Variants in MAD1L1 observed in about 807,000 individuals in gnomAD.
MAD1L1 encodes mitotic arrest deficient 1 like 1.
In MAD1L1, 95 loss-of-function variants were observed where a neutral mutation model predicts 96.9. The observed-to-expected ratio is 0.98, with a 90% confidence interval of 0.83 to 1.16. The LOEUF is 1.16. Ranked by LOEUF, MAD1L1 falls within the 50% of genes most tolerant of loss-of-function variation. The probability of loss-of-function intolerance (pLI) is 0.00; values close to 1 mark genes in which losing one functional copy is unlikely to be tolerated. For synonymous variants in MAD1L1, 473 were observed against 396.6 expected (o/e 1.19, Z -2.29); for missense variants, 1,007 against 954.4 (o/e 1.06, Z -0.73).
chr7:1,832,630 T>TTTGGGGGGGG (rs56664541), intron 18 of MAD1L1, among the ~76,000 whole-genome samples: 2 of 2,350 alleles, frequency 8.5e-4, no homozygotes, highest in Non-Finnish European at 8.3e-4. Flanking sequence ...TTTTTTTTTT[T>TTTGGGGGGGG]GGCGGGGGGG....
At chr7:2,124,426 A>C (rs1224480204) in intron 11 of MAD1L1, among the ~76,000 whole-genome samples, 2 of 152,228 alleles carry the variant, frequency 1.3e-5, no homozygotes, top group Non-Finnish European at 2.9e-5. Flanking sequence ...GAGAGTAAGA[A>C]GACCTGGGAG....
At chr7:2,174,963 A>T (rs1790876933) in intron 10 of MAD1L1, among the ~76,000 whole-genome samples, 1 of 152,160 alleles carries the variant, frequency 6.6e-6, no homozygotes, top group African/African-American at 2.4e-5. Context: ...CAGAGTTGTG[A>T]GGTGGCGACT....
chr7:2,043,553 C>A (rs779561527), intron 12 of MAD1L1, among the ~76,000 whole-genome samples: 1 of 152,214 alleles, frequency 6.6e-6, no homozygotes, highest in Non-Finnish European at 1.5e-5. Context: ...GAACGTGATG[C>A]CCGGGTACCG....
At chr7:2,077,138 C>T (rs1321692470) in intron 11 of MAD1L1, among the ~76,000 whole-genome samples, 1 of 151,912 alleles carries the variant, frequency 6.6e-6, no homozygotes, top group Admixed American at 6.6e-5. Context: ...ATGGTGAGCT[C>T]GCAGCACGGT....
At chr7:1,972,362 A>AT in intron 15 of MAD1L1, among the ~76,000 whole-genome samples, 1 of 152,172 alleles carries the variant, frequency 6.6e-6, no homozygotes, top group East Asian at 1.9e-4. Context: ...TATGACTTCA[A>AT]TTTTTTTTAA....
chr7:2,191,505 C>T (rs1791715160), intron 10 of MAD1L1, among the ~76,000 whole-genome samples: 1 of 152,168 alleles, frequency 6.6e-6, no homozygotes, highest in East Asian at 1.9e-4. Context: ...CTGAGGCAGG[C>T]GGATCACTTG....
intron 10 of MAD1L1, among the ~76,000 whole-genome samples, chr7:2,205,414 T>C (rs1792548559): frequency 1.3e-5 from 2 of 152,178 alleles, no homozygotes; most frequent in African/African-American, 2.4e-5. Flanking sequence ...TGGGATATTT[T>C]TCAGATTTAG....
chr7:1,979,700 G>A (rs1344850489), intron 15 of MAD1L1, among the ~76,000 whole-genome samples: 1 of 152,222 alleles, frequency 6.6e-6, no homozygotes, highest in Non-Finnish European at 1.5e-5. Flanking sequence ...GGACAGTGCA[G>A]TGGCAGAGAG....
intron 18 of MAD1L1, among the ~76,000 whole-genome samples, chr7:1,859,140 G>A (rs1401073194): frequency 1.3e-5 from 2 of 151,200 alleles, no homozygotes; most frequent in African/African-American, 2.4e-5. Context: ...ACGCAGGAGG[G>A]CCAGATGCCT....
intron 16 of MAD1L1, among the ~76,000 whole-genome samples, chr7:1,956,243 A>T (rs1462102120): frequency 6.6e-6 from 1 of 151,960 alleles, no homozygotes; most frequent in Non-Finnish European, 1.5e-5. Flanking sequence ...ACGTCCCCCC[A>T]CTAAGGGTGT....
Position 1,856,028 on chromosome 7 carries a change from G to T in MAD1L1, c.1999-39800C>A, listed in dbSNP as rs536692084. ...CTCGCGGTGCGCTCACGTGGGGTGC[G>T]GTGAGGGAGCTCTCGGCTTCTTCAT... On this transcript the variant is annotated intron_variant, in intron 18 of 18. Transcript: ENST00000265854. 3.3e-5 allele frequency among the ~76,000 whole-genome samples: 5 copies of T among 152,306 alleles called. No homozygotes were observed. The South Asian group carries it at 8.3e-4, about 25-fold the overall frequency.
intron 16 of MAD1L1, among the ~76,000 whole-genome samples, chr7:1,945,533 C>A (rs1339300991): frequency 4.6e-5 from 7 of 152,198 alleles, no homozygotes; most frequent in Non-Finnish European, 1.0e-4. Context: ...AGCCGCAACC[C>A]AGGAGAAGCA....
chr7:1,985,278 C>A (rs1781087571), intron 14 of MAD1L1, among the ~76,000 whole-genome samples: 1 of 152,264 alleles, frequency 6.6e-6, no homozygotes, highest in African/African-American at 2.4e-5. Context: ...CCCTTGCCTG[C>A]CTGGTGGCCT....
chr7:1,977,431 G>A lies in MAD1L1; in HGVS notation c.1505+3022C>T, dbSNP rs544242899. Among the ~76,000 whole-genome samples, 638 of 152,286 alleles carry A rather than the reference G, an allele frequency of 4.2e-3. 2 individuals carry two copies. The highest frequency in any genetic ancestry group is 4.9e-3 in the Non-Finnish European group (332 of 68,008). On this transcript the variant is annotated intron_variant, in intron 15 of 18. Coordinates refer to ENST00000265854, the MANE Select transcript of MAD1L1 (RefSeq NM_001013836.2). ...GGAGTGTGGGGCCCGCCAAGCCCAC[G>A]CCCACCCAGAACTCGCACTGGCCTG...
intron 11 of MAD1L1, among the ~76,000 whole-genome samples, chr7:2,096,195 G>A (rs945985813): frequency 1.3e-5 from 2 of 152,214 alleles, no homozygotes; most frequent in Non-Finnish European, 2.9e-5. Context: ...GGGTCCTGAG[G>A]GACCAGCCTC....
At chr7:2,224,275 C>T (rs1459369985) in intron 4 of MAD1L1, among the ~76,000 whole-genome samples, 1 of 152,172 alleles carries the variant, frequency 6.6e-6, no homozygotes, top group Non-Finnish European at 1.5e-5. Flanking sequence ...CTCTCCACCC[C>T]TAACAAGGGA....
intron 17 of MAD1L1, among the ~76,000 whole-genome samples, chr7:1,927,085 G>A (rs1789130672): frequency 6.6e-6 from 1 of 152,006 alleles, no homozygotes; most frequent in African/African-American, 2.4e-5. Context: ...CACACGCACT[G>A]AACACCTGGG....
At chr7:2,081,693 C>T (rs964455040) in intron 11 of MAD1L1, among the ~76,000 whole-genome samples, 1 of 152,260 alleles carries the variant, frequency 6.6e-6, no homozygotes, top group Non-Finnish European at 1.5e-5. Context: ...GTTCCAGCCC[C>T]CGTGGTCGGC....
intron 15 of MAD1L1, among the ~76,000 whole-genome samples, chr7:1,978,323 C>T (rs1020982990): frequency 6.6e-6 from 1 of 152,244 alleles, no homozygotes; most frequent in Non-Finnish European, 1.5e-5. Flanking sequence ...GTCTTTCTCC[C>T]CAGGTGGGGC....
Sources: allele counts gnomAD v4.1 joint callset (sites outside exome capture counted in the v4.1 genomes callset), GRCh38; gene constraint gnomAD v4.1.1; transcripts MANE v1.5; gene names NCBI Gene and HGNC (gene_info 2026-07-23, HGNC 2026-07-21).